SLC35E4: variants seen among roughly 807,000 people sequenced by gnomAD.
The protein encoded by SLC35E4 is solute carrier family 35 member E4, also known as solute carrier family 35, member E4.
A neutral mutation model predicts 19.3 loss-of-function variants in SLC35E4; 15 were observed. The ratio of observed to expected loss-of-function variants is 0.78; its 90% confidence interval spans 0.52 to 1.20. The LOEUF is 1.20. Among genes scored for constraint, SLC35E4 ranks in the 50% most tolerant of loss-of-function variants. The pLI is 0.00. For synonymous variants in SLC35E4, 219 were observed against 219.9 expected, an observed-to-expected ratio of 1.00 and a Z score of 0.04; for missense variants, 406 against 472.3, an observed-to-expected ratio of 0.86 and a Z score of 1.30.
intron 1 of SLC35E4, among the ~76,000 whole-genome samples, chr22:30,639,413 G>A (rs368862497): frequency 6.6e-5 from 10 of 151,922 alleles, no homozygotes; most frequent in Non-Finnish European, 1.2e-4. Flanking sequence ...TTTCGGGCAC[G>A]CATTGTCATT....
downstream of SLC35E4, chr22:30,666,734 C>G (rs1463627926): frequency 2.7e-5 from 4 of 148,354 alleles, no homozygotes; most frequent in East Asian, 8.0e-4. Context: ...AGCTCAAAGA[C>G]TAGTGGGAGA....
chr22:30,666,557 G>A (rs553048762), downstream of SLC35E4, among the ~76,000 whole-genome samples: 1 of 145,976 alleles, frequency 6.9e-6, no homozygotes, highest in South Asian at 2.1e-4. Flanking sequence ...GGGAGGCGGA[G>A]GCTGCAGTGA....
chr22:30,641,038 G>A lies in SLC35E4; in HGVS notation c.619+3969G>A, dbSNP rs187933597. Among the ~76,000 whole-genome samples the A allele has an allele frequency of 1.1e-3, 170 of 152,344 alleles. 1 individual carries two copies. Among genetic ancestry groups the A allele is most frequent in the African/African-American group, 3.9e-3 (161 of 41,578 alleles). ...TCTATTTTTTGCCCTCAGGTTACAT[G>A]AGAGCTAGAGGCTGAGCACAGGCAT... On this transcript the variant is annotated intron_variant, in intron 1 of 1. Transcript: ENST00000343605.
At position 30,647,701 on chromosome 22, in the gene SLC35E4, A is replaced by T. The variant is rs2088158704; in HGVS notation, c.*670A>T. The T allele has an allele frequency of 1.3e-5, 2 of 152,236 alleles. No homozygotes were observed. Among genetic ancestry groups the T allele is most frequent in the Non-Finnish European group, 2.9e-5 (2 of 68,078 alleles). The allele number at this position is 152,236 out of a possible 1,614,324, so 9.4% of individuals were successfully genotyped here. ...ACTTGTTACAATGACGATGATGATG[A>T]TTCTTGGCGGTTACACAATCCTTCC... On this transcript the variant is annotated 3_prime_UTR_variant, in exon 2 of 2. Coordinates refer to ENST00000343605, the MANE Select transcript of SLC35E4 (RefSeq NM_001001479.4).
chr22:30,661,876 G>C (rs937367910), intron 2 of SLC35E4: 1 of 152,106 alleles, frequency 6.6e-6, no homozygotes, highest in South Asian at 2.1e-4. Context: ...TCTAAACAAG[G>C]CTGCAGTCAC....
chr22:30,660,254 T>C (rs1471761030), intron 2 of SLC35E4, among the ~76,000 whole-genome samples: 1 of 152,224 alleles, frequency 6.6e-6, no homozygotes, highest in Non-Finnish European at 1.5e-5. Context: ...TGGTAATTTG[T>C]TACAGCACCA....
downstream of SLC35E4, chr22:30,663,360 G>T: frequency 7.1e-7 from 1 of 1,414,110 alleles, no homozygotes; most frequent in East Asian, 2.3e-5. Context: ...AAAGTAGAAT[G>T]TTCAAGTTTG....
chr22:30,658,797 C>T (rs1473422186), intron 2 of SLC35E4, among the ~76,000 whole-genome samples: 1 of 152,066 alleles, frequency 6.6e-6, no homozygotes, highest in Non-Finnish European at 1.5e-5. Flanking sequence ...TCAGACTGCT[C>T]ACTGGGGGGC....
downstream of SLC35E4, among the ~76,000 whole-genome samples, chr22:30,651,399 GTA>G (rs1427700463): frequency 0.019 from 1,137 of 60,814 alleles, 30 homozygotes; most frequent in Non-Finnish European, 0.023. Flanking sequence ...GTGTGTGTGT[GTA>G]TATATATATA....
chr22:30,649,300 A>G, downstream of SLC35E4: 6 of 712,508 alleles, frequency 8.4e-6, no homozygotes, highest in Admixed American at 2.0e-5. Flanking sequence ...TATTCACCCA[A>G]CCTTTCTGGA....
chr22:30,639,889 C>T (rs11914089), intron 1 of SLC35E4, among the ~76,000 whole-genome samples: 22,440 of 152,078 alleles, frequency 0.15, 3,264 homozygotes, highest in African/African-American at 0.37. Flanking sequence ...GCCTCCTCAG[C>T]TTACGAAGAT....
chr22:30,644,608 A>C (rs1368445130), intron 1 of SLC35E4, among the ~76,000 whole-genome samples: 2 of 152,152 alleles, frequency 1.3e-5, no homozygotes, highest in African/African-American at 2.4e-5. Flanking sequence ...TTCAGGGGTG[A>C]TGGTGCATGC....
chr22:30,667,015 C>T (rs1049729537), downstream of SLC35E4: 4 of 151,954 alleles, frequency 2.6e-5, no homozygotes, highest in African/African-American at 7.3e-5. Flanking sequence ...GAAGAAATCA[C>T]AAAAGATCTA....
At chr22:30,639,890 T>C (rs909429954) in intron 1 of SLC35E4, among the ~76,000 whole-genome samples, 2 of 152,112 alleles carry the variant, frequency 1.3e-5, no homozygotes, top group African/African-American at 4.8e-5. Context: ...CCTCCTCAGC[T>C]TACGAAGATG....
intron 1 of SLC35E4, among the ~76,000 whole-genome samples, chr22:30,644,788 A>AAAT (rs936260070): frequency 2.0e-5 from 3 of 151,992 alleles, no homozygotes; most frequent in Non-Finnish European, 2.9e-5. Flanking sequence ...ACCCTGTCTC[A>AAAT]AATAATAATA....
At chr22:30,652,886 G>C (rs1461132832), downstream of SLC35E4, among the ~76,000 whole-genome samples, 1 of 152,176 alleles carries the variant, frequency 6.6e-6, no homozygotes, top group African/African-American at 2.4e-5. Flanking sequence ...TTCCCACATT[G>C]ACTACACAAA....
rs7289904 is a variant in SLC35E4 at position 30,636,342 on chromosome 22, A to C, written c.-109A>C. ...AGTGTCCTCACCTGTCTGAAACGGG[A>C]CACGGGGTCGGAGGAACCAGGATCT... On this transcript the variant is annotated 5_prime_UTR_variant, in exon 1 of 2. Transcript: ENST00000343605. 0.034 allele frequency: 47,810 copies of C among 1,391,158 alleles called. 3,265 individuals carry two copies. Among genetic ancestry groups the C allele is most frequent in the African/African-American group, 0.29 (19,638 of 68,760 alleles). 86.2% of individuals were successfully genotyped at this position (1,391,158 alleles called of 1,614,324 possible).
rs780125598 is a variant in SLC35E4 at position 30,646,806 on chromosome 22, GGCCCTCACCTCT to G, written c.838_849del (p.Ser280_Thr283del). On this transcript the variant is annotated inframe_deletion, in exon 2 of 2. Transcript: ENST00000343605. ...ATAACCTGGCCAGCTTCTCCCTGCT[GGCCCTCACCTCT>G]GCCCTCACCGTCCACGTCCTGGGCA... The G allele has an allele frequency of 1.2e-6, 2 of 1,614,194 alleles. No homozygotes were observed. The highest frequency in any genetic ancestry group is 1.7e-6 in the Non-Finnish European group (2 of 1,180,032).
At chr22:30,657,496 C>T (rs952259564) in intron 2 of SLC35E4, among the ~76,000 whole-genome samples, 10 of 150,350 alleles carry the variant, frequency 6.7e-5, no homozygotes, top group African/African-American at 2.2e-4. Context: ...TAGTGGGTCG[C>T]GCCTATAATC....
Sources: gnomAD v4.1 joint callset for allele counts (sites outside exome capture counted in the v4.1 genomes callset) on GRCh38, gnomAD v4.1.1 for gene constraint, MANE v1.5 for transcripts, NCBI Gene and HGNC (gene_info 2026-07-23, HGNC 2026-07-21) for gene names.